Variants in COL5A2 observed in about 807,000 individuals in gnomAD.
COL5A2 encodes the protein collagen type V alpha 2 chain.
Under a neutral mutation model 208.2 loss-of-function variants are expected in COL5A2, and 23 were observed. The ratio of observed to expected loss-of-function variants is 0.11; its 90% confidence interval spans 0.08 to 0.16. The LOEUF is 0.16. Among genes scored for constraint, COL5A2 ranks in the 10% least tolerant of loss-of-function variants. The pLI, the probability that COL5A2 is intolerant of heterozygous loss-of-function variation, is 1.00. For synonymous variants in COL5A2, 625 were observed against 628.5 expected, an observed-to-expected ratio of 0.99 and a Z score of 0.08; for missense variants, 1,590 against 1,956.4, an observed-to-expected ratio of 0.81 and a Z score of 3.53.
chr2:189,274,870 AAATAT>A, the COL5A2 span, among the ~76,000 whole-genome samples: 6 of 152,198 alleles, frequency 3.9e-5, no homozygotes, highest in East Asian at 7.7e-4. Context: ...ATAAAAAATA[AAATAT>A]AATGCATTGA....
intron 1 of COL5A2, among the ~76,000 whole-genome samples, chr2:189,137,080 A>T (rs1024164219): frequency 2.6e-5 from 4 of 152,192 alleles, no homozygotes; most frequent in Admixed American, 2.6e-4. Context: ...ATTAATCTAC[A>T]GTTAACAAAT....
chr2:189,057,140 A>G, intron 34 of COL5A2, 114 bp from the exon 35 acceptor site: 1 of 1,239,356 alleles, frequency 8.1e-7, no homozygotes, highest in Non-Finnish European at 1.2e-6. Context: ...TATCCAGGTG[A>G]GCCTGGGATG....
the COL5A2 span, among the ~76,000 whole-genome samples, chr2:189,279,432 G>A: frequency 6.6e-6 from 1 of 151,236 alleles, no homozygotes; most frequent in Non-Finnish European, 1.5e-5. Context: ...TTTTCAATTG[G>A]GTGGTATATA....
At chr2:189,201,360 A>T (rs1044953107) in intron 1 of COL5A2, among the ~76,000 whole-genome samples, 1 of 152,070 alleles carries the variant, frequency 6.6e-6, no homozygotes, top group African/African-American at 2.4e-5. Context: ...GGCAGACTTA[A>T]CATATTTAAA....
At chr2:189,064,781 C>T (rs921773570) in intron 24 of COL5A2, 126 bp from the exon 25 acceptor site, 22 of 847,810 alleles carry the variant, frequency 2.6e-5, no homozygotes, top group African/African-American at 2.0e-4. Flanking sequence ...ACTGATATAA[C>T]GTATAAAATT....
the COL5A2 span, among the ~76,000 whole-genome samples, chr2:189,406,648 T>C: frequency 1.1e-3 from 170 of 152,268 alleles, no homozygotes; most frequent in African/African-American, 3.8e-3. Flanking sequence ...GCCATGTAAC[T>C]AGGAAAATTA....
At chr2:189,043,081 A>G (rs1320728920) in intron 48 of COL5A2, 70 bp downstream of exon 48, 15 of 1,109,834 alleles carry the variant, frequency 1.4e-5, no homozygotes, top group Middle Eastern at 2.0e-4. Context: ...ACAGACAGAT[A>G]AATGTTCGTG....
At chr2:189,039,690 G>C (rs1685518402) in intron 50 of COL5A2, 127 bp from the exon 51 acceptor site, 1 of 873,516 alleles carries the variant, frequency 1.1e-6, no homozygotes, top group East Asian at 2.7e-5. Flanking sequence ...TCTATGACTC[G>C]CGCCCTTTTG....
Position 189,057,411 on chromosome 2 carries a change from G to T in COL5A2, c.2246C>A (p.Ser749Tyr). 6.2e-7 allele frequency: 1 copy of T among 1,612,652 alleles called. No homozygotes were observed. The highest frequency in any genetic ancestry group is 1.3e-5 in the African/African-American group (1 of 74,722). ...PDGPKGSPGP[S>Y]GTPGDTGPPG... Reference sequence around the variant, plus strand: ...TGGGCCTGTATCTCCAGGGGTCCCAGATGGACCTGGACTGCCCTAAAATGA... The same window carrying T: ...TGGGCCTGTATCTCCAGGGGTCCCATATGGACCTGGACTGCCCTAAAATGA... Residue 749 changes from serine to tyrosine, a missense_variant, in exon 34 of 54, where the codon TCT becomes TAT. Coordinates refer to ENST00000374866, the MANE Select transcript of COL5A2 (RefSeq NM_000393.5).
chr2:189,161,068 C>T (rs1055335033), intron 1 of COL5A2, among the ~76,000 whole-genome samples: 1 of 151,412 alleles, frequency 6.6e-6, no homozygotes, highest in South Asian at 2.1e-4. Context: ...GATCTGCCCA[C>T]CTCGATCTCC....
At chr2:189,349,846 A>G in the COL5A2 span, among the ~76,000 whole-genome samples, 3 of 152,166 alleles carry the variant, frequency 2.0e-5, no homozygotes, top group African/African-American at 7.2e-5. Context: ...TGATGCTTTC[A>G]AAGTAAACAC....
the COL5A2 span, among the ~76,000 whole-genome samples, chr2:189,348,767 C>T: frequency 6.6e-6 from 1 of 152,154 alleles, no homozygotes; most frequent in African/African-American, 2.4e-5. Context: ...AGAGTGCTGA[C>T]TAATTGGCAG....
Position 189,033,942 on chromosome 2 carries a change from T to A in COL5A2, c.*128A>T. ...AGGAGGCCAGGCACTTAAGACCATATATACAATGCTGATGCAGGATCAGCC... is the reference window on the plus strand; with the variant it reads ...AGGAGGCCAGGCACTTAAGACCATAAATACAATGCTGATGCAGGATCAGCC... On this transcript the variant is annotated 3_prime_UTR_variant, in exon 54 of 54. Coordinates refer to ENST00000374866, the MANE Select transcript of COL5A2 (RefSeq NM_000393.5). 1 of 1,212,948 alleles carries A rather than the reference T, an allele frequency of 8.2e-7. No individual in the cohort carries two copies. The highest frequency in any genetic ancestry group is 1.2e-5 in the South Asian group (1 of 82,218). The allele number at this position is 1,212,948 out of a possible 1,614,324, so 75.1% of individuals were successfully genotyped here. A position where few individuals can be genotyped will look rare whatever the true frequency, so the allele number is the denominator to read the frequency against.
the COL5A2 span, among the ~76,000 whole-genome samples, chr2:189,242,715 C>CAT: frequency 6.6e-6 from 1 of 152,118 alleles, no homozygotes; most frequent in Non-Finnish European, 1.5e-5. Flanking sequence ...TATTTTCAAA[C>CAT]AAAGTATAAA....
At chr2:189,423,251 G>C in the COL5A2 span, among the ~76,000 whole-genome samples, 1 of 151,830 alleles carries the variant, frequency 6.6e-6, no homozygotes, top group Non-Finnish European at 1.5e-5. Flanking sequence ...AGTTTTAAGA[G>C]GGAAGTTTTC....
the COL5A2 span, among the ~76,000 whole-genome samples, chr2:189,305,610 T>C: frequency 6.6e-6 from 1 of 152,152 alleles, no homozygotes; most frequent in Non-Finnish European, 1.5e-5. Context: ...AAATACCCAG[T>C]CTTTGGTATT....
At chr2:189,231,795 A>AT in the COL5A2 span, among the ~76,000 whole-genome samples, 88,593 of 151,344 alleles carry the variant, frequency 0.59, 27,469 homozygotes, top group East Asian at 0.72. Context: ...GTTATGTTCT[A>AT]TTTTTCCATT....
intron 1 of COL5A2, among the ~76,000 whole-genome samples, chr2:189,191,167 C>CAAAAAAA (rs1688921444): frequency 8.3e-4 from 104 of 124,874 alleles, no homozygotes; most frequent in East Asian, 1.4e-3. Flanking sequence ...AACAAACAAA[C>CAAAAAAA]AACAAAAAAC....
rs1685361110 is a variant in COL5A2, at chr2:189,032,748, AG to A, written c.*1321del. 1 of 152,622 alleles carries A rather than the reference AG, an allele frequency of 6.6e-6. No individual in the cohort carries two copies. Among genetic ancestry groups the A allele is most frequent in the Non-Finnish European group, 1.5e-5 (1 of 68,020 alleles). The allele number at this position is 152,622 out of a possible 1,614,324, so 9.5% of individuals were successfully genotyped here. A position where few individuals can be genotyped will look rare whatever the true frequency, so the allele number is the denominator to read the frequency against. On this transcript the variant is annotated 3_prime_UTR_variant, in exon 54 of 54. Transcript: ENST00000374866. ...AAGCATTCCAGATACAGTATGACAGAGGAACAGTGAACAAGCATTGGAACGA... is the reference window on the plus strand; with the variant it reads ...AAGCATTCCAGATACAGTATGACAGAGAACAGTGAACAAGCATTGGAACGA...
Sources: allele counts gnomAD v4.1 joint callset (sites outside exome capture counted in the v4.1 genomes callset), GRCh38; gene constraint gnomAD v4.1.1; transcripts MANE v1.5; gene names NCBI Gene and HGNC (gene_info 2026-07-23, HGNC 2026-07-21).